Variants in ERG28 observed in about 807,000 individuals in gnomAD.
ERG28 encodes ergosterol biosynthetic protein 28 homolog.
Under a neutral mutation model 15.7 loss-of-function variants are expected in ERG28, and 9 were observed. The ratio of observed to expected loss-of-function variants is 0.57; its 90% confidence interval spans 0.35 to 1.00. The LOEUF is 1.00. Among genes scored for constraint, ERG28 ranks in the 50% least tolerant of loss-of-function variants. ERG28 has a pLI of 0.02. For synonymous variants in ERG28, 61 were observed against 68.4 expected, an observed-to-expected ratio of 0.89 and a Z score of 0.53; for missense variants, 117 against 173.3, an observed-to-expected ratio of 0.68 and a Z score of 1.82.
At chr14:75,660,368 G>A in intron 1 of ERG28, among the ~76,000 whole-genome samples, 1 of 152,208 alleles carries the variant, frequency 6.6e-6, no homozygotes, top group East Asian at 1.9e-4. Context: ...TTAATCAGGA[G>A]AAAGGGATTC....
rs1890528485 is a variant in ERG28, at chr14:75,651,700, T to G, written c.344-66A>C. 2.5e-6 allele frequency: 4 copies of G among 1,591,442 alleles called. No homozygotes were observed. In the South Asian group the frequency reaches 4.4e-5, roughly 18 times the overall value. ...GTACCTTTCTTCTCTCTCTCTCCTG[T>G]GTCCACCCTCTGTACTAGCTCTAGA... On this transcript the variant is annotated intron_variant, in intron 4 of 4. Transcript: ENST00000256319.
At chr14:75,657,946 G>C (rs1890619096) in intron 1 of ERG28, among the ~76,000 whole-genome samples, 1 of 152,144 alleles carries the variant, frequency 6.6e-6, no homozygotes, top group South Asian at 2.1e-4. Context: ...TACATCCCTA[G>C]GTTTTCTGGA....
At chr14:75,660,483 C>T (rs539017873) in intron 1 of ERG28, among the ~76,000 whole-genome samples, 56 of 152,238 alleles carry the variant, frequency 3.7e-4, no homozygotes, top group Admixed American at 1.8e-3. Context: ...AATATCAACC[C>T]GAAGGGCTAT....
intron 1 of ERG28, among the ~76,000 whole-genome samples, chr14:75,659,161 G>C (rs1486635867): frequency 6.6e-6 from 1 of 152,076 alleles, no homozygotes; most frequent in Non-Finnish European, 1.5e-5. Context: ...AGTTTCTTAA[G>C]GTCACACAGC....
chr14:75,656,162 G>C (rs996928951), intron 2 of ERG28, among the ~76,000 whole-genome samples: 2 of 152,062 alleles, frequency 1.3e-5, no homozygotes, highest in South Asian at 4.1e-4. Context: ...GCCCTAACCA[G>C]ATTAGGTATG....
At position 75,651,645 on chromosome 14, in the gene ERG28, G is replaced by A. The variant is rs780418393; in HGVS notation, c.344-11C>T. ...CCAGGATGGAGAAACCTTAAATACA[G>A]AGGAAAGACTAGTGACTAACATACA... On this transcript the variant is annotated splice_polypyrimidine_tract_variant and intron_variant, in intron 4 of 4. Coordinates refer to ENST00000256319, the MANE Select transcript of ERG28 (RefSeq NM_007176.4). 1 of 1,611,594 alleles carries A rather than the reference G, an allele frequency of 6.2e-7. No individual in the cohort carries two copies. The highest frequency in any genetic ancestry group is 2.2e-5 in the East Asian group (1 of 44,824).
At chr14:75,659,318 T>G (rs1278783775) in intron 1 of ERG28, among the ~76,000 whole-genome samples, 1 of 152,174 alleles carries the variant, frequency 6.6e-6, no homozygotes, top group East Asian at 1.9e-4. Flanking sequence ...GTATGGAAAA[T>G]ACAATTAGAT....
chr14:75,654,148 G>C (rs547841825), intron 3 of ERG28, among the ~76,000 whole-genome samples: 1 of 152,226 alleles, frequency 6.6e-6, no homozygotes, highest in East Asian at 1.9e-4. Flanking sequence ...TAATAAGAGG[G>C]GCTCAATAAA....
At chr14:75,658,445 C>T (rs78088219) in intron 1 of ERG28, among the ~76,000 whole-genome samples, 2,614 of 152,260 alleles carry the variant, frequency 0.017, 96 homozygotes, top group African/African-American at 0.06. Flanking sequence ...AGGCTGACTA[C>T]CTGACCCCTG....
At chr14:75,653,421 G>A (rs895403868) in intron 3 of ERG28, among the ~76,000 whole-genome samples, 3 of 151,742 alleles carry the variant, frequency 2.0e-5, no homozygotes, top group Non-Finnish European at 4.4e-5. Flanking sequence ...GGCCAACATG[G>A]TGAGAACCTG....
chr14:75,651,261 T>C lies in ERG28; in HGVS notation c.*294A>G, dbSNP rs986769335. The C allele has an allele frequency of 7.0e-5, 18 of 257,800 alleles. No individual in the cohort carries two copies. The highest frequency in any genetic ancestry group is 3.8e-4 in the African/African-American group (17 of 45,266). 16.0% of individuals were successfully genotyped at this position (257,800 alleles called of 1,614,324 possible). A position where few individuals can be genotyped will look rare whatever the true frequency, so the allele number is the denominator to read the frequency against. On this transcript the variant is annotated 3_prime_UTR_variant, in exon 5 of 5. Transcript: ENST00000256319. ...AAGGGGAAGGCTGGAAAAGGGAGCC[T>C]GGAAGAGGTTGCAGGTAGGGGAAGG... is the stretch of plus-strand genomic sequence containing the variant.
intron 3 of ERG28, among the ~76,000 whole-genome samples, chr14:75,653,637 T>A (rs1890559245): frequency 6.6e-6 from 1 of 150,598 alleles, no homozygotes; most frequent in South Asian, 2.1e-4. Flanking sequence ...TAAGTCTGGG[T>A]TGTCTTCGCT....
Position 75,658,161 on chromosome 14 carries a change from T to C in ERG28, c.-31-628A>G, listed in dbSNP as rs1261077309. ...GGGAGGTCTGACATGCCCTGTTATA[T>C]TCGTTGTGTTTTCAGGTTTAGAGAC... On this transcript the variant is annotated intron_variant, in intron 1 of 4. Coordinates refer to ENST00000256319, the MANE Select transcript of ERG28 (RefSeq NM_007176.4). Among the ~76,000 whole-genome samples, 3 of 152,122 alleles carry C rather than the reference T, an allele frequency of 2.0e-5. No individual in the cohort carries two copies. The East Asian group carries it at 5.8e-4, about 29-fold the overall frequency.
At chr14:75,654,857 A>G in intron 3 of ERG28, 29 bp downstream of exon 3, 6 of 1,581,142 alleles carry the variant, frequency 3.8e-6, no homozygotes, top group Non-Finnish European at 5.2e-6. Flanking sequence ...CAACAAAAGG[A>G]TGCTAAAGCT....
Position 75,651,810 on chromosome 14 carries a change from C to T in ERG28, c.304G>A (p.Ala102Thr). 1 of 1,614,144 alleles carries T rather than the reference C, an allele frequency of 6.2e-7. No individual in the cohort carries two copies. The highest frequency in any genetic ancestry group is 8.5e-7 in the Non-Finnish European group (1 of 1,179,978). The change falls in exon 4 of 5, where the codon GCT becomes ACT. Residue 102 changes from alanine (A) to threonine (T), a missense_variant. Physicochemically the swap from Ala to Thr is moderately conservative, Grantham distance 58. Coordinates refer to ENST00000256319, the MANE Select transcript of ERG28 (RefSeq NM_007176.4). ...LSELFVYGTA[A>T]PTIGVLAPLM... is the part of the protein sequence containing the mutation. Reference sequence around the variant, plus strand: ...GGTGCCAGGACGCCAATCGTGGGAGCTGCAGTTCCATAGACAAACAACTCA... The same window carrying T: ...GGTGCCAGGACGCCAATCGTGGGAGTTGCAGTTCCATAGACAAACAACTCA...
At chr14:75,655,882 C>CCTTACTTTGCT (rs2140064662) in intron 2 of ERG28, among the ~76,000 whole-genome samples, 1 of 152,282 alleles carries the variant, frequency 6.6e-6, no homozygotes, top group African/African-American at 2.4e-5. Flanking sequence ...TGCTGGTCTA[C>CCTTACTTTGCT]TACCTGCTGA....
rs567077551 is a variant in ERG28 at position 75,660,389 on chromosome 14, C to T, written c.-32+386G>A. Among the ~76,000 whole-genome samples, 6 of 152,242 alleles carry T rather than the reference C, an allele frequency of 3.9e-5. No individual in the cohort carries two copies. The East Asian group carries it at 1.2e-3, about 29-fold the overall frequency. ...AGGAGAAAGGGATTCTTATCCTGGC[C>T]CTACCACTTAGTAGCTGTGTGACCC... On this transcript the variant is annotated intron_variant, in intron 1 of 4. Transcript: ENST00000256319.
Position 75,650,654 on chromosome 14 carries a change from CTT to C in ERG28, c.*899_*900del, listed in dbSNP as rs997948900. 7 of 152,190 alleles carry C rather than the reference CTT, an allele frequency of 4.6e-5. No individual in the cohort carries two copies. The highest frequency in any genetic ancestry group is 1.4e-4 in the African/African-American group (6 of 41,440). 9.4% of individuals were successfully genotyped at this position (152,190 alleles called of 1,614,324 possible). A position where few individuals can be genotyped will look rare whatever the true frequency, so the allele number is the denominator to read the frequency against. ...CTTTAGGAGGAAATAAGAAAGGGCACTTAGTGTTTAGTTGTGAACGCAGACTC... is the reference window on the plus strand; with the variant it reads ...CTTTAGGAGGAAATAAGAAAGGGCACAGTGTTTAGTTGTGAACGCAGACTC... On this transcript the variant is annotated 3_prime_UTR_variant, in exon 5 of 5. Coordinates refer to ENST00000256319, the MANE Select transcript of ERG28 (RefSeq NM_007176.4).
intron 1 of ERG28, among the ~76,000 whole-genome samples, chr14:75,658,826 T>A (rs1014169708): frequency 6.6e-6 from 1 of 152,176 alleles, no homozygotes; most frequent in Non-Finnish European, 1.5e-5. Flanking sequence ...CTGTCTCTGG[T>A]CTTGGTGGGA....
Sources: allele counts gnomAD v4.1 joint callset (sites outside exome capture counted in the v4.1 genomes callset), GRCh38; gene constraint gnomAD v4.1.1; transcripts MANE v1.5; gene names NCBI Gene and HGNC (gene_info 2026-07-23, HGNC 2026-07-21).